The following TBC1D32 variants were observed in gnomAD, a reference collection of about 807,000 sequenced individuals.
TBC1D32 encodes the protein TBC1 domain family member 32.
In TBC1D32, 151 loss-of-function variants were observed where a neutral mutation model predicts 170.3. The observed-to-expected ratio is 0.89, with a 90% CI of 0.78 to 1.01. TBC1D32 has a LOEUF of 1.01. TBC1D32 is among the 50% of genes least tolerant of loss of function. TBC1D32 has a pLI of 0.00. For synonymous variants in TBC1D32, 498 were observed against 488.0 expected (o/e 1.02, Z -0.27); for missense variants, 1,464 against 1,457.1 (o/e 1.00, Z -0.08).
intron 1 of TBC1D32, 65 bp downstream of exon 1, chr6:121,334,211 G>A (rs1458067422): frequency 7.4e-7 from 1 of 1,353,020 alleles, no homozygotes; most frequent in South Asian, 1.3e-5. Flanking sequence ...TAACACTGTT[G>A]ACCCTTCTCT....
At chr6:121,118,494 G>A (rs1347886728) in intron 26 of TBC1D32, among the ~76,000 whole-genome samples, 1 of 152,158 alleles carries the variant, frequency 6.6e-6, no homozygotes, top group Non-Finnish European at 1.5e-5. Flanking sequence ...CTCAGTGTGG[G>A]TCATGCATTC....
chr6:121,218,558 CTCTAATCAGCTG>C, intron 21 of TBC1D32, among the ~76,000 whole-genome samples: 1 of 152,176 alleles, frequency 6.6e-6, no homozygotes, highest in South Asian at 2.1e-4. Context: ...GGTAGGCACC[CTCTAATCAGCTG>C]TCTGTGTGCC....
Position 121,241,471 on chromosome 6 carries a change from T to C in TBC1D32, c.2239A>G (p.Lys747Glu), listed in dbSNP as rs1235535205. ...ATGAAAAGAAAACATTTACCTGACTTTTTTAGTGCAATGCCACCTGCTGCT... is the reference window on the plus strand; with the variant it reads ...ATGAAAAGAAAACATTTACCTGACTCTTTTAGTGCAATGCCACCTGCTGCT... ...STAAGGIALKKSGFINELITE... is the reference protein window; with the variant it reads ...STAAGGIALKESGFINELITE... Residue 747 changes from lysine (K) to glutamate (E), a missense_variant, in exon 19 of 32, where the codon AAG becomes GAG. Around this residue, in one of 3 missense-constraint regions of TBC1D32, gnomAD observed 1,363 missense variants for 1,338.1 expected, o/e 1.02. Coordinates refer to ENST00000398212, the MANE Select transcript of TBC1D32 (RefSeq NM_152730.6). 3 of 1,612,516 alleles carry C rather than the reference T, an allele frequency of 1.9e-6. No homozygotes were observed. The highest frequency in any genetic ancestry group is 2.5e-6 in the Non-Finnish European group (3 of 1,179,220).
At chr6:121,084,312 A>T (rs185653667) in intron 31 of TBC1D32, among the ~76,000 whole-genome samples, 2 of 152,280 alleles carry the variant, frequency 1.3e-5, no homozygotes, top group Non-Finnish European at 2.9e-5. Context: ...TAAGTCCATG[A>T]GTGAATGAGC....
intron 3 of TBC1D32, among the ~76,000 whole-genome samples, chr6:121,316,083 T>A (rs538255122): frequency 1.3e-5 from 2 of 152,138 alleles, no homozygotes; most frequent in Non-Finnish European, 2.9e-5. Context: ...CAAAACAAGA[T>A]AAAAAACAAG....
At chr6:121,271,961 C>A (rs577061689) in intron 15 of TBC1D32, among the ~76,000 whole-genome samples, 3 of 152,188 alleles carry the variant, frequency 2.0e-5, no homozygotes, top group South Asian at 2.1e-4. Flanking sequence ...CACACATCTA[C>A]AACCATTTGA....
chr6:121,321,997 T>C (rs775872453), intron 1 of TBC1D32, among the ~76,000 whole-genome samples: 5 of 151,972 alleles, frequency 3.3e-5, no homozygotes, highest in Non-Finnish European at 5.9e-5. Context: ...CATTTAAAGA[T>C]TACCACAGTA....
At chr6:121,102,555 C>G (rs939311200) in intron 30 of TBC1D32, among the ~76,000 whole-genome samples, 4 of 151,926 alleles carry the variant, frequency 2.6e-5, no homozygotes, top group South Asian at 2.1e-4. Flanking sequence ...GCTGAAACTG[C>G]ATCCCTTCCT....
intron 15 of TBC1D32, among the ~76,000 whole-genome samples, chr6:121,264,790 C>T (rs116013342): frequency 0.033 from 5,087 of 152,156 alleles, 198 homozygotes; most frequent in East Asian, 0.12. Context: ...TAATTCATCA[C>T]GTAAACAGAA....
intron 24 of TBC1D32, among the ~76,000 whole-genome samples, chr6:121,147,005 A>G (rs139745502): frequency 3.9e-4 from 60 of 151,996 alleles, no homozygotes; most frequent in African/African-American, 1.4e-3. Context: ...TCCCTAGTGT[A>G]TATTGTTTCT....
chr6:121,226,046 G>C (rs1464717049), intron 20 of TBC1D32, among the ~76,000 whole-genome samples: 1 of 152,058 alleles, frequency 6.6e-6, no homozygotes, highest in East Asian at 1.9e-4. Context: ...TAAGACTAAA[G>C]CATAAAATTA....
chr6:121,282,411 T>A (rs1583552679), intron 13 of TBC1D32, among the ~76,000 whole-genome samples: 1 of 151,814 alleles, frequency 6.6e-6, no homozygotes, highest in East Asian at 1.9e-4. Flanking sequence ...ATACAACACT[T>A]TAGTATTTAG....
intron 22 of TBC1D32, among the ~76,000 whole-genome samples, chr6:121,170,787 AT>A (rs1786875433): frequency 6.6e-6 from 1 of 151,970 alleles, no homozygotes; most frequent in Admixed American, 6.6e-5. Flanking sequence ...TAAATAGTAA[AT>A]TTTCCTCTCA....
intron 21 of TBC1D32, among the ~76,000 whole-genome samples, chr6:121,218,809 G>A (rs1408972347): frequency 6.6e-6 from 1 of 152,108 alleles, no homozygotes; most frequent in Non-Finnish European, 1.5e-5. Flanking sequence ...TCATGATAGT[G>A]AGTTATCATG....
chr6:121,112,995 T>C lies in TBC1D32; in HGVS notation c.3169+67A>G, dbSNP rs575555965. Reference sequence around the variant, plus strand: ...TTTACTATAAATGTGTCAAGGTATATCATCAAAGAATCATGAAAAATATGT... The same window carrying C: ...TTTACTATAAATGTGTCAAGGTATACCATCAAAGAATCATGAAAAATATGT... On this transcript the variant is annotated intron_variant, in intron 28 of 31. Transcript: ENST00000398212. The C allele has an allele frequency of 2.5e-4, 285 of 1,160,926 alleles. 1 individual carries two copies. Among genetic ancestry groups the C allele is most frequent in the Admixed American group, 1.1e-3 (50 of 47,430 alleles). 71.9% of individuals were successfully genotyped at this position (1,160,926 alleles called of 1,614,324 possible).
intron 9 of TBC1D32, among the ~76,000 whole-genome samples, chr6:121,302,350 G>A (rs1389088066): frequency 3.9e-5 from 6 of 152,268 alleles, no homozygotes. Context: ...CATAAAAAGT[G>A]TGACAACTCC....
At chr6:121,249,963 C>T (rs1050323327) in intron 17 of TBC1D32, among the ~76,000 whole-genome samples, 7 of 151,454 alleles carry the variant, frequency 4.6e-5, no homozygotes, top group African/African-American at 1.7e-4. Context: ...CATCATTCTT[C>T]ACAAAACTAG....
At chr6:121,220,876 G>A (rs1794434640) in intron 21 of TBC1D32, among the ~76,000 whole-genome samples, 1 of 151,940 alleles carries the variant, frequency 6.6e-6, no homozygotes, top group East Asian at 1.9e-4. Context: ...CCAGACCTCA[G>A]GTGATCTCCC....
At chr6:121,244,590 T>C (rs1240324620) in intron 17 of TBC1D32, among the ~76,000 whole-genome samples, 2 of 152,188 alleles carry the variant, frequency 1.3e-5, no homozygotes, top group Non-Finnish European at 2.9e-5. Flanking sequence ...CTATGATTTG[T>C]CACTTTTTCA....
Sources: gnomAD v4.1 joint callset for allele counts (sites outside exome capture counted in the v4.1 genomes callset) on GRCh38, gnomAD v4.1.1 for gene constraint, gnomAD v4.1.1 regional missense constraint, MANE v1.5 for transcripts, NCBI Gene and HGNC (gene_info 2026-07-23, HGNC 2026-07-21) for gene names.